The following ANKDD1A variants were observed in gnomAD, a reference collection of about 807,000 sequenced individuals.
ANKDD1A encodes the protein ankyrin repeat and death domain containing 1A.
Under a neutral mutation model 63.5 loss-of-function variants are expected in ANKDD1A, and 59 were observed. That is an observed-to-expected ratio of 0.93 (90% CI 0.75 to 1.15). The LOEUF is 1.15. ANKDD1A is among the 50% of genes most tolerant of loss of function. The pLI is 0.00. For missense variants in ANKDD1A, 632 were observed against 656.4 expected, an observed-to-expected ratio of 0.96 and a Z score of 0.41; for synonymous variants, 266 against 263.9, an observed-to-expected ratio of 1.01 and a Z score of -0.08.
At chr15:64,914,331 G>T (rs1256591512) in intron 1 of ANKDD1A, among the ~76,000 whole-genome samples, 1 of 152,168 alleles carries the variant, frequency 6.6e-6, no homozygotes, top group African/African-American at 2.4e-5. Flanking sequence ...CTGTTGCCCA[G>T]GCTGGAGTGC....
intron 6 of ANKDD1A, among the ~76,000 whole-genome samples, chr15:64,929,270 C>T (rs780520088): frequency 3.9e-5 from 6 of 152,128 alleles, no homozygotes; most frequent in Non-Finnish European, 8.8e-5. Flanking sequence ...ACTTCCCATG[C>T]TCAAGCAATC....
chr15:64,941,075 T>C (rs1263433786), intron 9 of ANKDD1A, among the ~76,000 whole-genome samples: 12 of 152,246 alleles, frequency 7.9e-5, no homozygotes, highest in Admixed American at 7.9e-4. Flanking sequence ...TTTATATCCC[T>C]CAGTGATGTT....
At chr15:64,927,524 CAG>C (rs1413935886) in intron 6 of ANKDD1A, among the ~76,000 whole-genome samples, 1 of 151,826 alleles carries the variant, frequency 6.6e-6, no homozygotes, top group Non-Finnish European at 1.5e-5. Flanking sequence ...GGACGGGGAC[CAG>C]AGGGTCTACC....
At chr15:64,956,997 G>A in intron 14 of ANKDD1A, 106 bp from the exon 15 acceptor site, 1 of 410,478 alleles carries the variant, frequency 2.4e-6, no homozygotes, top group South Asian at 1.8e-5. Context: ...TAACATATAT[G>A]TTGCGAGCTA....
At chr15:64,937,776 C>T (rs1046347597) in intron 9 of ANKDD1A, among the ~76,000 whole-genome samples, 7 of 151,966 alleles carry the variant, frequency 4.6e-5, no homozygotes, top group African/African-American at 1.7e-4. Flanking sequence ...GGACAGTTTT[C>T]AAAAAATGTA....
At position 64,911,941 on chromosome 15, in the gene ANKDD1A, A is replaced by C; in HGVS notation, c.11A>C (p.Glu4Ala). The C allele has an allele frequency of 9.3e-7, 1 of 1,079,418 alleles. No individual in the cohort carries two copies. Among genetic ancestry groups the C allele is most frequent in the Non-Finnish European group, 1.1e-6 (1 of 888,626 alleles). 66.9% of individuals were successfully genotyped at this position (1,079,418 alleles called of 1,614,324 possible). A position where few individuals can be genotyped will look rare whatever the true frequency, so the allele number is the denominator to read the frequency against. The part of the protein sequence containing the change: MQE[E>A]LAWETDGLLP... The stretch of plus-strand genomic sequence containing the variant: ...CTGCGGAGCGGCAGGATGCAGGAGG[A>C]GCTGGCGTGGGAGACCGACGGCCGT... The change falls in exon 1 of 15, where the codon GAG (glutamate) becomes GCG (alanine). Residue 4 changes from glutamate to alanine, a missense_variant. Coordinates refer to ENST00000319580, the MANE Select transcript of ANKDD1A (RefSeq NM_182703.6).
At chr15:64,952,081 TTCTTTTCTTCC>T (rs2085296825) in intron 14 of ANKDD1A, among the ~76,000 whole-genome samples, 2 of 4,712 alleles carry the variant, frequency 4.2e-4, no homozygotes, top group East Asian at 0.071. Context: ...TTCTTCTTCC[TTCTTTTCTTCC>T]TCTTCTTCCT....
chr15:64,943,502 C>T lies in ANKDD1A; in HGVS notation c.985C>T (p.His329Tyr), dbSNP rs765833491. 9.3e-6 allele frequency: 15 copies of T among 1,614,118 alleles called. No individual in the cohort carries two copies. The East Asian group carries it at 1.6e-4, about 17-fold the overall frequency. ...CCCCTAGAGGCAGCAGACGCCCCTT[C>T]ACCTGGCTGCAGAGCACGCCTGGCA... Reference protein sequence around the residue: ...AVDNRQQTPLHLAAEHAWQDI... With the variant: ...AVDNRQQTPLYLAAEHAWQDI... The change falls in exon 11 of 15, where the codon CAC (histidine) becomes TAC (tyrosine). Residue 329 changes from histidine to tyrosine, a missense_variant. Transcript: ENST00000319580.
rs2085123953 is a variant in ANKDD1A, at chr15:64,935,538, T to G, written c.867+1304T>G. On this transcript the variant is annotated intron_variant, in intron 9 of 14. Coordinates refer to ENST00000319580, the MANE Select transcript of ANKDD1A (RefSeq NM_182703.6). ...AAAATACAAAAAATTAGCCGGGCTT[T>G]GTGTCAGGCGCCTGTAGTCCCAGCT... is the stretch of plus-strand genomic sequence containing the variant. Among the ~76,000 whole-genome samples, 5 of 151,768 alleles carry G rather than the reference T, an allele frequency of 3.3e-5. No homozygotes were observed. The South Asian group carries it at 1.0e-3, about 32-fold the overall frequency.
At chr15:64,926,830 C>T (rs2085048604) in intron 5 of ANKDD1A, 71 bp from the exon 6 acceptor site, 1 of 1,531,308 alleles carries the variant, frequency 6.5e-7, no homozygotes, top group Admixed American at 1.7e-5. Flanking sequence ...GGAACAGAGG[C>T]CAGGTGGGCA....
At chr15:64,953,628 T>TTCC (rs1566917711) in intron 14 of ANKDD1A, among the ~76,000 whole-genome samples, 2 of 125,754 alleles carry the variant, frequency 1.6e-5, no homozygotes, top group Admixed American at 1.7e-4. Context: ...CTTCTTCTTC[T>TTCC]TCCTTCTTCT....
chr15:64,947,620 AG>A (rs2085234415), intron 13 of ANKDD1A, 27 bp downstream of exon 13: 1 of 1,609,798 alleles, frequency 6.2e-7, no homozygotes, highest in Admixed American at 1.7e-5. Context: ...CCTCGCCCTA[AG>A]CAACCATTGG....
At chr15:64,952,888 TCTTCCTTCTC>T (rs1357903832) in intron 14 of ANKDD1A, among the ~76,000 whole-genome samples, 5 of 147,566 alleles carry the variant, frequency 3.4e-5, no homozygotes, top group South Asian at 2.5e-4. Flanking sequence ...TTCTTCTCCT[TCTTCCTTCTC>T]CTTCCTTCTC....
intron 9 of ANKDD1A, among the ~76,000 whole-genome samples, chr15:64,936,886 T>TA (rs1249947422): frequency 6.6e-6 from 1 of 151,982 alleles, no homozygotes; most frequent in African/African-American, 2.4e-5. Context: ...ATTACAAAGT[T>TA]AAAAAACAAA....
chr15:64,949,753 G>T lies in ANKDD1A; in HGVS notation c.1352-88G>T. ...TTTCCCACCTGGGCATGTTCAGGAG[G>T]CGGTGCAGGGTGGCATAGACAGGCG... On this transcript the variant is annotated intron_variant, in intron 13 of 14. Coordinates refer to ENST00000319580, the MANE Select transcript of ANKDD1A (RefSeq NM_182703.6). 6 of 1,543,770 alleles carry T rather than the reference G, an allele frequency of 3.9e-6. No individual in the cohort carries two copies. The South Asian group carries it at 5.9e-5, about 15-fold the overall frequency.
chr15:64,918,627 G>A (rs906982376), intron 3 of ANKDD1A, among the ~76,000 whole-genome samples: 1 of 152,086 alleles, frequency 6.6e-6, no homozygotes, highest in Non-Finnish European at 1.5e-5. Context: ...AAGAAGCTAC[G>A]AGGGAGAACA....
intron 14 of ANKDD1A, chr15:64,951,444 T>G: frequency 1.2e-5 from 1 of 85,356 alleles, no homozygotes; most frequent in Non-Finnish European, 2.0e-5. Context: ...TTCTTTCTTC[T>G]TCCCTTTCTT....
chr15:64,953,052 C>T lies in ANKDD1A; in HGVS notation c.1483+3080C>T, dbSNP rs1209004939. On this transcript the variant is annotated intron_variant, in intron 14 of 14. Coordinates refer to ENST00000319580, the MANE Select transcript of ANKDD1A (RefSeq NM_182703.6). ...TCCTTCTTCCTTTCTTCTTTCCTCT[C>T]TTTTTTCTTCCTCTTTCCTTCTTTC... Among the ~76,000 whole-genome samples, 92 of 88,764 alleles carry T rather than the reference C, an allele frequency of 1.0e-3. 1 individual carries two copies. Among genetic ancestry groups the T allele is most frequent in the African/African-American group, 2.6e-3 (69 of 26,436 alleles). The allele number at this position is 88,764 out of a possible 152,430, so 58.2% of individuals were successfully genotyped here. A position where few individuals can be genotyped will look rare whatever the true frequency, so the allele number is the denominator to read the frequency against.
chr15:64,928,886 G>A (rs1376680584), intron 6 of ANKDD1A, among the ~76,000 whole-genome samples: 3 of 152,256 alleles, frequency 2.0e-5, no homozygotes, highest in African/African-American at 7.2e-5. Context: ...GCCACTTGCA[G>A]CTTCAAATGG....
Sources: gnomAD v4.1 joint callset for allele counts (sites outside exome capture counted in the v4.1 genomes callset) on GRCh38, gnomAD v4.1.1 for gene constraint, MANE v1.5 for transcripts, NCBI Gene and HGNC (gene_info 2026-07-23, HGNC 2026-07-21) for gene names.